Variants in GALNTL6 observed in about 807,000 individuals in gnomAD.
The protein encoded by GALNTL6 is polypeptide N-acetylgalactosaminyltransferase-like 6.
In GALNTL6, 46 loss-of-function variants were observed where a neutral mutation model predicts 73.7. The ratio of observed to expected loss-of-function variants is 0.62; its 90% confidence interval spans 0.49 to 0.80. GALNTL6 has a LOEUF of 0.80. GALNTL6 is among the 30% of genes least tolerant of loss of function. The pLI is 0.00. For synonymous variants in GALNTL6, 259 were observed against 263.7 expected (o/e 0.98, Z 0.17); for missense variants, 604 against 755.0 (o/e 0.80, Z 2.34).
chr4:172,578,811 A>G (rs1014422801), intron 5 of GALNTL6, among the ~76,000 whole-genome samples: 3 of 152,160 alleles, frequency 2.0e-5, no homozygotes, highest in Admixed American at 2.0e-4. Flanking sequence ...ATCTCTATGG[A>G]TGTGGTTATT....
At chr4:172,763,006 A>C (rs1579449448) in intron 5 of GALNTL6, among the ~76,000 whole-genome samples, 1 of 37,116 alleles carries the variant, frequency 2.7e-5, no homozygotes, top group Middle Eastern at 0.017. Flanking sequence ...ATTGCAGACA[A>C]AAAAAAAAAT....
chr4:172,031,479 G>A (rs955852360), intron 2 of GALNTL6, among the ~76,000 whole-genome samples: 3 of 152,106 alleles, frequency 2.0e-5, no homozygotes, highest in African/African-American at 7.2e-5. Context: ...GTGATTTTAA[G>A]AATGTGCTGC....
intron 5 of GALNTL6, among the ~76,000 whole-genome samples, chr4:172,564,240 G>A (rs940258440): frequency 3.3e-5 from 5 of 152,096 alleles, no homozygotes; most frequent in Non-Finnish European, 7.4e-5. Context: ...TCATAAAAAA[G>A]TGTCATATTT....
chr4:171,877,033 G>A (rs1298042433), intron 2 of GALNTL6, among the ~76,000 whole-genome samples: 3 of 151,970 alleles, frequency 2.0e-5, no homozygotes, highest in South Asian at 2.1e-4. Flanking sequence ...CTACTCGACC[G>A]CCCTCATTAG....
In GALNTL6 at chr4:172,809,260, G is replaced by T. The variant is rs1409945995; in HGVS notation, c.554-101G>T. ...TGAGGAGACAAGAATGTTACCCCAG[G>T]ATTCATCAGTCACATACTCTCTATG... On this transcript the variant is annotated intron_variant, in intron 5 of 12. Coordinates refer to ENST00000506823, the MANE Select transcript of GALNTL6 (RefSeq NM_001034845.3). The surrounding 1 kb of genome is among the most constrained non-coding windows in gnomAD (Gnocchi z 4.4). 5.8e-6 allele frequency: 5 copies of T among 867,488 alleles called. No individual in the cohort carries two copies. The highest frequency in any genetic ancestry group is 9.2e-6 in the Non-Finnish European group (5 of 541,164). The allele number at this position is 867,488 out of a possible 1,614,324, so 53.7% of individuals were successfully genotyped here.
chr4:172,751,615 G>A (rs1737427230), intron 5 of GALNTL6, among the ~76,000 whole-genome samples: 1 of 152,194 alleles, frequency 6.6e-6, no homozygotes, highest in Non-Finnish European at 1.5e-5. Context: ...TGAGCCTTTT[G>A]AAGTCACAAA....
At chr4:172,193,879 A>C (rs947320332) in intron 2 of GALNTL6, among the ~76,000 whole-genome samples, 1 of 152,110 alleles carries the variant, frequency 6.6e-6, no homozygotes, top group East Asian at 1.9e-4. Context: ...AAAAGAAAAG[A>C]GAAATAATCA....
In GALNTL6 at chr4:171,824,077, TTA is replaced by T. The variant is rs3080307; in HGVS notation, c.138+9391_138+9392del. On this transcript the variant is annotated intron_variant, in intron 2 of 12. Transcript: ENST00000506823. The stretch of plus-strand genomic sequence containing the variant: ...CTTAAGTCCTCAACACAAATCCATT[TTA>T]TATATATATATATATATATATATAT... Among the ~76,000 whole-genome samples, 1,225 of 129,172 alleles carry T rather than the reference TTA, an allele frequency of 9.5e-3. 16 individuals are homozygous for T. The highest frequency in any genetic ancestry group is 0.031 in the African/African-American group (1,018 of 32,420). The allele number at this position is 129,172 out of a possible 152,430, so 84.7% of individuals were successfully genotyped here.
chr4:172,616,897 T>A (rs1738758384), intron 5 of GALNTL6, among the ~76,000 whole-genome samples: 1 of 152,126 alleles, frequency 6.6e-6, no homozygotes, highest in African/African-American at 2.4e-5. Context: ...AAAATCACTT[T>A]TACCTCAAGA....
At chr4:172,372,742 T>G (rs1410244941) in intron 5 of GALNTL6, among the ~76,000 whole-genome samples, 1 of 152,182 alleles carries the variant, frequency 6.6e-6, no homozygotes, top group Non-Finnish European at 1.5e-5. Flanking sequence ...TTCTACTAGA[T>G]GAGTATTTGC....
At position 172,226,689 on chromosome 4, in the gene GALNTL6, G is replaced by A. The variant is rs547279005; in HGVS notation, c.139-2967G>A. On this transcript the variant is annotated intron_variant, in intron 2 of 12. Coordinates refer to ENST00000506823, the MANE Select transcript of GALNTL6 (RefSeq NM_001034845.3). ...TATACAGTTGGACTGGAGGATCTCT[G>A]GACTTGCTACCATTTTGCCACCTCT... Among the ~76,000 whole-genome samples the A allele has an allele frequency of 6.5e-4, 99 of 151,592 alleles. 1 individual carries two copies. The highest frequency in any genetic ancestry group is 2.3e-3 in the African/African-American group (97 of 41,294).
chr4:172,318,988 T>C (rs1397297935), intron 4 of GALNTL6, among the ~76,000 whole-genome samples: 1 of 152,148 alleles, frequency 6.6e-6, no homozygotes, highest in African/African-American at 2.4e-5. Flanking sequence ...TCTGAAAATT[T>C]GATGTAATCA....
intron 5 of GALNTL6, among the ~76,000 whole-genome samples, chr4:172,376,225 G>A (rs1048813065): frequency 5.3e-5 from 8 of 152,162 alleles, no homozygotes; most frequent in East Asian, 3.9e-4. Flanking sequence ...CAGAGACAGG[G>A]AGTGATTTTT....
chr4:172,787,636 G>T (rs760941327), intron 5 of GALNTL6, among the ~76,000 whole-genome samples: 1 of 152,210 alleles, frequency 6.6e-6, no homozygotes, highest in Admixed American at 6.5e-5. Flanking sequence ...AATCTTGGGA[G>T]TCTTCAGTCC....
At position 171,985,124 on chromosome 4, in the gene GALNTL6, A is replaced by T. The variant is rs533777660; in HGVS notation, c.138+170406A>T. ...AGTTTATTGTGGTAACTGGCTTGAT[A>T]AAAAAAATCCTGTATTGAGTGTACT... is the stretch of plus-strand genomic sequence containing the variant. On this transcript the variant is annotated intron_variant, in intron 2 of 12. Coordinates refer to ENST00000506823, the MANE Select transcript of GALNTL6 (RefSeq NM_001034845.3). 1.0e-3 allele frequency among the ~76,000 whole-genome samples: 153 copies of T among 152,136 alleles called. 1 individual carries two copies. Among genetic ancestry groups the T allele is most frequent in the African/African-American group, 3.6e-3 (148 of 41,490 alleles).
At chr4:172,777,418 T>TTAGATATATCATTTGATAGGTCC (rs1277972634) in intron 5 of GALNTL6, among the ~76,000 whole-genome samples, 5 of 152,200 alleles carry the variant, frequency 3.3e-5, no homozygotes, top group Non-Finnish European at 5.9e-5. Flanking sequence ...CTCTCTGACC[T>TTAGATATATCATTTGATAGGTCC]TAGATATATC....
At chr4:172,743,526 G>A (rs1736917712) in intron 5 of GALNTL6, among the ~76,000 whole-genome samples, 1 of 152,008 alleles carries the variant, frequency 6.6e-6, no homozygotes, top group Non-Finnish European at 1.5e-5. Context: ...TTACCAAGAA[G>A]ATGCCCTTTG....
intron 5 of GALNTL6, among the ~76,000 whole-genome samples, chr4:172,369,306 G>A (rs192206129): frequency 3.9e-4 from 59 of 152,252 alleles, no homozygotes; most frequent in Middle Eastern, 3.4e-3. Context: ...TCATTGGTGC[G>A]TTTACAAACC....
chr4:172,429,968 A>C (rs1396876466), intron 5 of GALNTL6, among the ~76,000 whole-genome samples: 1 of 152,122 alleles, frequency 6.6e-6, no homozygotes, highest in Non-Finnish European at 1.5e-5. Context: ...CAGTTTTCTC[A>C]ATAAGTGAGG....
Sources: allele counts gnomAD v4.1 joint callset (sites outside exome capture counted in the v4.1 genomes callset), GRCh38; gene constraint gnomAD v4.1.1; non-coding constraint Gnocchi (gnomAD v3.1); transcripts MANE v1.5; gene names NCBI Gene and HGNC (gene_info 2026-07-23, HGNC 2026-07-21).